ABHD12: variants seen among roughly 807,000 people sequenced by gnomAD.
ABHD12 encodes the protein lysophosphatidylserine lipase ABHD12.
ABHD12 carries 43 observed loss-of-function variants against 58.3 expected under a neutral mutation model. The ratio of observed to expected loss-of-function variants is 0.74; its 90% confidence interval spans 0.58 to 0.95. ABHD12 has a LOEUF of 0.95. ABHD12 is among the 40% of genes least tolerant of loss of function. ABHD12 has a pLI of 0.00. For missense variants in ABHD12, 539 were observed against 537.2 expected (o/e 1.00, Z -0.03); for synonymous variants, 219 against 211.2 (o/e 1.04, Z -0.32).
At chr20:25,382,672 A>G (rs2090035982) in intron 1 of ABHD12, among the ~76,000 whole-genome samples, 1 of 152,022 alleles carries the variant, frequency 6.6e-6, no homozygotes, top group Non-Finnish European at 1.5e-5. Context: ...TCCTCCATGA[A>G]AGTGCCTCAG....
At chr20:25,359,423 CAAAAAA>C (rs565367954) in intron 1 of ABHD12, among the ~76,000 whole-genome samples, 13,493 of 62,854 alleles carry the variant, frequency 0.21, 1,066 homozygotes, top group African/African-American at 0.37. Flanking sequence ...GACTCCGTCT[CAAAAAA>C]AAAAAAAAAA....
chr20:25,346,471 T>G (rs779750663), intron 1 of ABHD12, among the ~76,000 whole-genome samples: 6 of 151,982 alleles, frequency 3.9e-5, no homozygotes, highest in African/African-American at 1.5e-4. Context: ...AACTATGGAT[T>G]TGGGGTGATG....
chr20:25,324,116 G>A (rs1357605031), intron 2 of ABHD12, among the ~76,000 whole-genome samples: 3 of 152,190 alleles, frequency 2.0e-5, no homozygotes, highest in South Asian at 2.1e-4. Context: ...GCAGGACAGC[G>A]AGTGAATTAA....
At chr20:25,309,375 T>C (rs748169981) in intron 7 of ABHD12, 71 bp downstream of exon 7, 7 of 1,608,378 alleles carry the variant, frequency 4.4e-6, no homozygotes, top group Non-Finnish European at 5.9e-6. Context: ...GTGGACTCTC[T>C]AGATCCAGGC....
At chr20:25,345,739 C>T (rs1352538843) in intron 1 of ABHD12, among the ~76,000 whole-genome samples, 1 of 152,062 alleles carries the variant, frequency 6.6e-6, no homozygotes, top group East Asian at 1.9e-4. Context: ...AACAATATAC[C>T]ACTACACACT....
chr20:25,312,304 G>A (rs569792523), intron 6 of ABHD12, among the ~76,000 whole-genome samples: 118 of 152,178 alleles, frequency 7.8e-4, no homozygotes, highest in Non-Finnish European at 1.2e-3. Flanking sequence ...TCAGCCTGCC[G>A]AGTGCCTGTG....
chr20:25,380,753 T>A (rs1437220003), intron 1 of ABHD12, among the ~76,000 whole-genome samples: 2 of 152,196 alleles, frequency 1.3e-5, no homozygotes, highest in Non-Finnish European at 2.9e-5. Context: ...CTGACTTGTC[T>A]GCTGGGAGAG....
In ABHD12 at chr20:25,320,185, C is replaced by T. The variant is rs1380141494; in HGVS notation, c.542+14G>A. Reference sequence around the variant, plus strand: ...CATGCTCCACAGCAAAGATGATGGGCTCCTCTCCCTCACCTGGTACCTGCG... The same window carrying T: ...CATGCTCCACAGCAAAGATGATGGGTTCCTCTCCCTCACCTGGTACCTGCG... On this transcript the variant is annotated intron_variant, in intron 4 of 12. Transcript: ENST00000339157. The T allele has an allele frequency of 6.2e-7, 1 of 1,613,612 alleles. No individual in the cohort carries two copies. The highest frequency in any genetic ancestry group is 1.7e-5 in the Admixed American group (1 of 59,996).
intron 1 of ABHD12, among the ~76,000 whole-genome samples, chr20:25,344,892 C>G (rs1281730384): frequency 6.6e-6 from 1 of 152,114 alleles, no homozygotes; most frequent in Non-Finnish European, 1.5e-5. Flanking sequence ...TACAATGGAG[C>G]AAAGATGATC....
chr20:25,322,381 A>ATATATATATATATATTTT, intron 3 of ABHD12, among the ~76,000 whole-genome samples: 19 of 59,266 alleles, frequency 3.2e-4, no homozygotes, highest in African/African-American at 1.6e-3. Context: ...ATATATATAT[A>ATATATATATATATATTTT]TTTTTTTTTT....
intron 1 of ABHD12, among the ~76,000 whole-genome samples, chr20:25,351,879 C>T (rs189564107): frequency 6.6e-6 from 1 of 152,104 alleles, no homozygotes; most frequent in Admixed American, 6.5e-5. Flanking sequence ...CCAGCCTGGG[C>T]AACAAGAGAG....
intron 1 of ABHD12, among the ~76,000 whole-genome samples, chr20:25,343,898 A>G (rs1390119068): frequency 6.6e-6 from 1 of 152,218 alleles, no homozygotes; most frequent in African/African-American, 2.4e-5. Flanking sequence ...AAATCCAACA[A>G]TGTATAAAAA....
chr20:25,389,674 T>TAGAA (rs1568783973), intron 1 of ABHD12, among the ~76,000 whole-genome samples: 5 of 152,056 alleles, frequency 3.3e-5, no homozygotes, highest in Non-Finnish European at 7.4e-5. Context: ...ATTCATCTTC[T>TAGAA]ACCCAATAAC....
At chr20:25,296,581 C>CTTTT (rs1600750443), downstream of ABHD12, 8 of 1,552,604 alleles carry the variant, frequency 5.2e-6, no homozygotes, top group Non-Finnish European at 7.0e-6. Context: ...TTTGCACCTC[C>CTTTT]TTTTTTCCCC....
intron 1 of ABHD12, among the ~76,000 whole-genome samples, chr20:25,361,513 A>G (rs1301752188): frequency 6.6e-6 from 1 of 152,070 alleles, no homozygotes; most frequent in Non-Finnish European, 1.5e-5. Context: ...GTAACATTCT[A>G]TGTATTTCTT....
At chr20:25,382,554 AGAG>A (rs973615426) in intron 1 of ABHD12, among the ~76,000 whole-genome samples, 23 of 152,164 alleles carry the variant, frequency 1.5e-4, no homozygotes, top group Non-Finnish European at 2.5e-4. Flanking sequence ...AGGGGAACGA[AGAG>A]GAGGAGAAGT....
intron 1 of ABHD12, among the ~76,000 whole-genome samples, chr20:25,351,006 CACA>C (rs1568751684): frequency 8.4e-4 from 110 of 130,342 alleles, no homozygotes; most frequent in Middle Eastern, 4.2e-3. Flanking sequence ...CACACACACA[CACA>C]CCCTTATTAA....
chr20:25,309,873 G>A (rs2088816449), intron 6 of ABHD12, among the ~76,000 whole-genome samples: 1 of 152,220 alleles, frequency 6.6e-6, no homozygotes, highest in African/African-American at 2.4e-5. Context: ...TTGGTGAGCT[G>A]CACATTTGAA....
chr20:25,354,587 A>G (rs1463063300), intron 1 of ABHD12, among the ~76,000 whole-genome samples: 1 of 152,214 alleles, frequency 6.6e-6, no homozygotes, highest in Non-Finnish European at 1.5e-5. Flanking sequence ...GGAACTGGAC[A>G]CAGCCCATCT....
Sources: gnomAD v4.1 joint callset for allele counts (sites outside exome capture counted in the v4.1 genomes callset) on GRCh38, gnomAD v4.1.1 for gene constraint, MANE v1.5 for transcripts, NCBI Gene and HGNC (gene_info 2026-07-23, HGNC 2026-07-21) for gene names.